The following LRRC74A variants were observed in gnomAD, a reference collection of about 807,000 sequenced individuals.
LRRC74A encodes leucine rich repeat containing 74A.
A neutral mutation model predicts 57.9 loss-of-function variants in LRRC74A; 44 were observed. That is an observed-to-expected ratio of 0.76 (90% CI 0.60 to 0.98). The LOEUF is 0.98. Ranked by LOEUF, LRRC74A falls within the 50% of genes least tolerant of loss-of-function variation. The pLI, the probability that LRRC74A is intolerant of heterozygous loss-of-function variation, is 0.00. For synonymous variants in LRRC74A, 211 were observed against 219.4 expected (o/e 0.96, Z 0.34); for missense variants, 572 against 574.0 (o/e 1.00, Z 0.04).
chr14:76,831,120 C>A, intron 2 of LRRC74A, 83 bp from the exon 3 acceptor site: 3 of 1,386,278 alleles, frequency 2.2e-6, no homozygotes, highest in Admixed American at 1.9e-5. Context: ...ACAGTCTAGA[C>A]ATGAGTGAAT....
At chr14:76,844,324 G>T in intron 5 of LRRC74A, 99 bp from the exon 6 acceptor site, 5 of 1,148,706 alleles carry the variant, frequency 4.4e-6, no homozygotes, top group Admixed American at 4.1e-5. Flanking sequence ...TTTTCTGTTC[G>T]ATTGTTCTAA....
At chr14:76,845,369 G>A (rs975413377) in intron 7 of LRRC74A, among the ~76,000 whole-genome samples, 7 of 151,656 alleles carry the variant, frequency 4.6e-5, no homozygotes. Context: ...GGGAAGGGAA[G>A]GGGAAGAGGG....
At chr14:76,859,260 C>T (rs997118322) in intron 10 of LRRC74A, among the ~76,000 whole-genome samples, 9 of 152,078 alleles carry the variant, frequency 5.9e-5, no homozygotes, top group Non-Finnish European at 7.4e-5. Context: ...TTCTCTCAGG[C>T]GCGGTGACTC....
intron 3 of LRRC74A, among the ~76,000 whole-genome samples, chr14:76,831,630 T>C (rs1005373252): frequency 6.6e-6 from 1 of 152,206 alleles, no homozygotes; most frequent in Admixed American, 6.5e-5. Flanking sequence ...GTCTATATAC[T>C]CTTTGCTGTT....
At chr14:76,867,121 G>T in intron 12 of LRRC74A, among the ~76,000 whole-genome samples, 1 of 13,830 alleles carries the variant, frequency 7.2e-5, no homozygotes, top group African/African-American at 2.5e-4. Flanking sequence ...GGGGGATGGG[G>T]TGTGTGTGTG....
At chr14:76,848,205 A>G (rs941923393) in intron 7 of LRRC74A, among the ~76,000 whole-genome samples, 7 of 152,124 alleles carry the variant, frequency 4.6e-5, no homozygotes, top group Non-Finnish European at 1.0e-4. Context: ...GGTGCAGCAC[A>G]CCAACATGGT....
chr14:76,829,176 C>G, intron 2 of LRRC74A: 1 of 1,289,404 alleles, frequency 7.8e-7, no homozygotes, highest in Non-Finnish European at 1.0e-6. Context: ...CAGCCTCAAA[C>G]TTCCCAGGCC....
chr14:76,830,464 G>A (rs1369282587), intron 2 of LRRC74A, among the ~76,000 whole-genome samples: 1 of 152,246 alleles, frequency 6.6e-6, no homozygotes, highest in Non-Finnish European at 1.5e-5. Context: ...ATGGAAAGGT[G>A]CAGTCCCCAC....
Position 76,835,164 on chromosome 14 carries a change from C to T in LRRC74A, c.340-1043C>T, listed in dbSNP as rs559848253. 1.1e-4 allele frequency among the ~76,000 whole-genome samples: 17 copies of T among 152,242 alleles called. 1 individual carries two copies. Among genetic ancestry groups the T allele is most frequent in the Admixed American group, 2.0e-4 (3 of 15,294 alleles). ...AACCCAAGTCCTTCATGCTGCAATG[C>T]GAATCCTTTCCTCTCTCTCCTCTTG... On this transcript the variant is annotated intron_variant, in intron 3 of 13. Transcript: ENST00000689127.
intron 3 of LRRC74A, among the ~76,000 whole-genome samples, chr14:76,832,247 T>C (rs1896024187): frequency 6.6e-6 from 1 of 152,172 alleles, no homozygotes; most frequent in African/African-American, 2.4e-5. Flanking sequence ...AGTTTAATGA[T>C]CACAGGGTGG....
At chr14:76,856,963 GTGGT>G (rs1489519609) in intron 9 of LRRC74A, among the ~76,000 whole-genome samples, 7 of 133,434 alleles carry the variant, frequency 5.2e-5, no homozygotes, top group South Asian at 5.2e-4. Context: ...GGATAAGTTG[GTGGT>G]TGGATGGATG....
At chr14:76,832,383 C>A (rs1896032174) in intron 3 of LRRC74A, among the ~76,000 whole-genome samples, 1 of 152,246 alleles carries the variant, frequency 6.6e-6, no homozygotes, top group Non-Finnish European at 1.5e-5. Context: ...TCATGGCTCA[C>A]TGCAGATTTG....
chr14:76,868,051 T>C lies in LRRC74A; in HGVS notation c.1391+613T>C, dbSNP rs181072283. On this transcript the variant is annotated intron_variant, in intron 13 of 13. Transcript: ENST00000689127. ...CAACCCATAATAAGTCCCCGCCACATGCCTGTCCTCTCCACTTGCCCAATA... is the reference window on the plus strand; with the variant it reads ...CAACCCATAATAAGTCCCCGCCACACGCCTGTCCTCTCCACTTGCCCAATA... Among the ~76,000 whole-genome samples, 495 of 152,324 alleles carry C rather than the reference T, an allele frequency of 3.2e-3. 4 individuals are homozygous for C. The highest frequency in any genetic ancestry group is 0.011 in the African/African-American group (469 of 41,564).
intron 10 of LRRC74A, among the ~76,000 whole-genome samples, chr14:76,859,417 A>C (rs1016897351): frequency 1.3e-5 from 2 of 151,732 alleles, no homozygotes; most frequent in Non-Finnish European, 2.9e-5. Context: ...GCCTGTAATC[A>C]TAGCTACCTG....
intron 5 of LRRC74A, among the ~76,000 whole-genome samples, chr14:76,841,436 A>G (rs1221491968): frequency 6.6e-6 from 1 of 152,136 alleles, no homozygotes; most frequent in Non-Finnish European, 1.5e-5. Flanking sequence ...ATTTTTTTTC[A>G]AAATAATTCT....
At chr14:76,851,936 T>C (rs1048423382) in intron 7 of LRRC74A, among the ~76,000 whole-genome samples, 2 of 152,188 alleles carry the variant, frequency 1.3e-5, no homozygotes, top group Non-Finnish European at 2.9e-5. Context: ...AGTGCTGGGA[T>C]TACAGGTGTG....
intron 5 of LRRC74A, among the ~76,000 whole-genome samples, chr14:76,839,375 A>G (rs190246180): frequency 1.2e-4 from 19 of 152,352 alleles, no homozygotes; most frequent in Non-Finnish European, 1.2e-4. Context: ...ATGGTTAAGC[A>G]TGTGGGTGTA....
intron 4 of LRRC74A, among the ~76,000 whole-genome samples, chr14:76,837,330 T>C (rs1167068264): frequency 6.6e-6 from 1 of 152,090 alleles, no homozygotes; most frequent in Non-Finnish European, 1.5e-5. Context: ...TGGTAAATAA[T>C]ATGTTATGCT....
At chr14:76,836,878 C>T (rs140672900) in intron 4 of LRRC74A, among the ~76,000 whole-genome samples, 2,006 of 151,178 alleles carry the variant, frequency 0.013, 25 homozygotes, top group Non-Finnish European at 0.021. Flanking sequence ...TGATGGCTCA[C>T]GCCTGTAATC....
Sources: allele counts gnomAD v4.1 joint callset (sites outside exome capture counted in the v4.1 genomes callset), GRCh38; gene constraint gnomAD v4.1.1; transcripts MANE v1.5; gene names NCBI Gene and HGNC (gene_info 2026-07-23, HGNC 2026-07-21).